DLGAP2: variants seen among roughly 807,000 people sequenced by gnomAD.
DLGAP2 encodes the protein disks large-associated protein 2.
DLGAP2 carries 26 observed loss-of-function variants against 100.3 expected under a neutral mutation model. The observed-to-expected ratio is 0.26, with a 90% CI of 0.19 to 0.36. DLGAP2 has a LOEUF of 0.36. Among genes scored for constraint, DLGAP2 ranks in the 10% least tolerant of loss-of-function variants. The pLI, the probability that DLGAP2 is intolerant of heterozygous loss-of-function variation, is 1.00. For synonymous variants in DLGAP2, 886 were observed against 630.1 expected, an observed-to-expected ratio of 1.41 and a Z score of -6.08; for missense variants, 1,858 against 1,453.2, an observed-to-expected ratio of 1.28 and a Z score of -4.53.
At chr8:848,813 G>C (rs1797119044) in intron 1 of DLGAP2, among the ~76,000 whole-genome samples, 1 of 151,766 alleles carries the variant, frequency 6.6e-6, no homozygotes, top group African/African-American at 2.4e-5. Flanking sequence ...GTAGGAACGT[G>C]CCAGGGTTTG....
rs537048231 is a variant in DLGAP2 at position 1,257,975 on chromosome 8, A to G, written c.74-876A>G. 1.6e-3 allele frequency among the ~76,000 whole-genome samples: 250 copies of G among 152,310 alleles called. 1 individual carries two copies. The highest frequency in any genetic ancestry group is 5.6e-3 in the African/African-American group (232 of 41,574). On this transcript the variant is annotated intron_variant, in intron 2 of 14. Coordinates refer to ENST00000637795, the MANE Select transcript of DLGAP2 (RefSeq NM_001346810.2). The stretch of plus-strand genomic sequence containing the variant: ...GGCCCCCAAGTCTGAATTCTTTCCC[A>G]TGAAGACCTTGCACTCGTGTGTCTG...
At chr8:837,890 T>G (rs1198221312) in intron 1 of DLGAP2, among the ~76,000 whole-genome samples, 3 of 132,986 alleles carry the variant, frequency 2.3e-5, no homozygotes, top group Non-Finnish European at 3.4e-5. Context: ...CTAGTTGTTT[T>G]TTGTTTTTTT....
intron 3 of DLGAP2, among the ~76,000 whole-genome samples, chr8:1,456,580 A>G (rs1410026622): frequency 1.3e-5 from 2 of 152,198 alleles, no homozygotes. Flanking sequence ...CAGAAGCATC[A>G]CCTTTTTGCA....
chr8:1,544,379 G>T (rs1045092626), intron 4 of DLGAP2, among the ~76,000 whole-genome samples: 30 of 152,130 alleles, frequency 2.0e-4, no homozygotes, highest in African/African-American at 6.8e-4. Context: ...AGTGAAAGTG[G>T]GCATCCTTGT....
intron 3 of DLGAP2, among the ~76,000 whole-genome samples, chr8:1,337,429 ATGG>A (rs377218519): frequency 0.15 from 91 of 616 alleles, no homozygotes; most frequent in African/African-American, 0.33. Context: ...GATGATGGTG[ATGG>A]TGATGATGAT....
chr8:1,684,953 A>G (rs957499007), intron 12 of DLGAP2, among the ~76,000 whole-genome samples: 2 of 152,138 alleles, frequency 1.3e-5, no homozygotes, highest in Non-Finnish European at 1.5e-5. Flanking sequence ...CGAAGTAACG[A>G]ATAACCTACA....
intron 2 of DLGAP2, among the ~76,000 whole-genome samples, chr8:1,147,621 C>G (rs1181526363): frequency 6.6e-6 from 1 of 151,376 alleles, no homozygotes; most frequent in Non-Finnish European, 1.5e-5. Context: ...CAGCCTTGAA[C>G]TCCTGGCTCA....
intron 3 of DLGAP2, among the ~76,000 whole-genome samples, chr8:1,373,365 T>TAGGGCAGCGCCAGACGCAGAGCC (rs1802298400): frequency 6.6e-6 from 1 of 151,788 alleles, no homozygotes; most frequent in African/African-American, 2.4e-5. Context: ...TGGCCGCAGG[T>TAGGGCAGCGCCAGACGCAGAGCC]TGGGCAGCGC....
chr8:1,255,003 C>CTGTCCGGG (rs1465637344), intron 2 of DLGAP2, among the ~76,000 whole-genome samples: 1 of 126,162 alleles, frequency 7.9e-6, no homozygotes, highest in African/African-American at 3.3e-5. Flanking sequence ...TCCTCTCATC[C>CTGTCCGGG]TGCTTGGGCG....
intron 2 of DLGAP2, among the ~76,000 whole-genome samples, chr8:969,875 G>C (rs1324625325): frequency 6.6e-6 from 1 of 152,218 alleles, no homozygotes; most frequent in Non-Finnish European, 1.5e-5. Context: ...ATTAAACCTA[G>C]AAGTGTATTA....
chr8:994,998 A>G (rs1800747005), intron 2 of DLGAP2, among the ~76,000 whole-genome samples: 1 of 152,128 alleles, frequency 6.6e-6, no homozygotes, highest in South Asian at 2.1e-4. Flanking sequence ...TCTTCAACTT[A>G]CCTTTCAAGG....
chr8:1,506,989 G>C (rs957387725), intron 4 of DLGAP2, among the ~76,000 whole-genome samples: 1 of 152,224 alleles, frequency 6.6e-6, no homozygotes, highest in East Asian at 1.9e-4. Context: ...GTGCTGATTG[G>C]TGCATCTACA....
At chr8:1,326,692 A>G (rs1458478816) in intron 3 of DLGAP2, among the ~76,000 whole-genome samples, 1 of 152,230 alleles carries the variant, frequency 6.6e-6, no homozygotes, top group Admixed American at 6.5e-5. Flanking sequence ...GGAGCTTTCC[A>G]TTTGGGAAAT....
intron 2 of DLGAP2, among the ~76,000 whole-genome samples, chr8:989,102 GACGACCGC>G (rs1800574705): frequency 6.6e-6 from 1 of 152,180 alleles, no homozygotes; most frequent in South Asian, 2.1e-4. Context: ...CCTCCATTGT[GACGACCGC>G]AGTGCAGTCC....
chr8:1,383,866 G>A (rs1218196160), intron 3 of DLGAP2, among the ~76,000 whole-genome samples: 3 of 152,194 alleles, frequency 2.0e-5, no homozygotes, highest in Non-Finnish European at 4.4e-5. Context: ...CTCTTCATGG[G>A]TGAGAGAGCG....
At chr8:1,596,696 G>C (rs2956938) in intron 6 of DLGAP2, among the ~76,000 whole-genome samples, 110,205 of 152,086 alleles carry the variant, frequency 0.72, 40,331 homozygotes, top group East Asian at 0.92. Flanking sequence ...TGTTCATATC[G>C]TTCACCCACT....
intron 1 of DLGAP2, among the ~76,000 whole-genome samples, chr8:752,337 C>T (rs183256831): frequency 3.3e-4 from 51 of 152,342 alleles, no homozygotes; most frequent in Non-Finnish European, 5.9e-4. Context: ...AATGCTCATG[C>T]CTCGCCTTCC....
chr8:937,156 G>T (rs183419534), intron 2 of DLGAP2, among the ~76,000 whole-genome samples: 1 of 152,152 alleles, frequency 6.6e-6, no homozygotes, highest in Non-Finnish European at 1.5e-5. Context: ...TCCCTCGCTC[G>T]CCTGACGAGG....
intron 3 of DLGAP2, among the ~76,000 whole-genome samples, chr8:1,275,741 T>C (rs1799670125): frequency 7.5e-6 from 1 of 133,722 alleles, no homozygotes; most frequent in Non-Finnish European, 1.5e-5. Flanking sequence ...ATATATGTAA[T>C]ATATATAAAT....
Sources: gnomAD v4.1 joint callset for allele counts (sites outside exome capture counted in the v4.1 genomes callset) on GRCh38, gnomAD v4.1.1 for gene constraint, MANE v1.5 for transcripts, NCBI Gene and HGNC (gene_info 2026-07-23, HGNC 2026-07-21) for gene names.